ZNF440: variants seen among roughly 807,000 people sequenced by gnomAD.
ZNF440 encodes the protein zinc finger protein 440.
A neutral mutation model predicts 49.7 loss-of-function variants in ZNF440; 47 were observed. The ratio of observed to expected loss-of-function variants is 0.95; its 90% CI spans 0.75 to 1.21. The LOEUF is 1.21. Ranked by LOEUF, ZNF440 falls within the 50% of genes most tolerant of loss-of-function variation. The pLI is 0.00. For synonymous variants in ZNF440, 255 were observed against 237.7 expected (o/e 1.07, Z -0.67); for missense variants, 703 against 715.0 (o/e 0.98, Z 0.19).
intron 1 of ZNF440, 93 bp downstream of exon 1, chr19:11,814,543 A>C: frequency 2.3e-6 from 3 of 1,308,420 alleles, no homozygotes; most frequent in South Asian, 4.0e-5. Context: ...CCACGCGGCG[A>C]CTCCGGGGTC....
In ZNF440 at chr19:11,832,038, G is replaced by A. The variant is rs759567712; in HGVS notation, c.862G>A (p.Glu288Lys). 2 of 1,614,000 alleles carry A rather than the reference G, an allele frequency of 1.2e-6. No homozygotes were observed. The highest frequency in any genetic ancestry group is 1.7e-6 in the Non-Finnish European group (2 of 1,180,024). Residue 288 changes from glutamate (E) to lysine (K), a missense_variant, in exon 4 of 4, where the codon GAA becomes AAA. By Grantham distance (56) the Glu-to-Lys change is moderately conservative. Coordinates refer to ENST00000304060, the MANE Select transcript of ZNF440 (RefSeq NM_152357.3). The stretch of plus-strand genomic sequence containing the variant: ...GGGAGAAAAGGCTTATCAATGTAAG[G>A]AATGTGGAAAAGCATTCACGTGTCC... ...HMGEKAYQCK[E>K]CGKAFTCPRY...
intron 1 of ZNF440, among the ~76,000 whole-genome samples, chr19:11,818,538 C>T (rs1287461918): frequency 6.6e-6 from 1 of 150,584 alleles, no homozygotes; most frequent in Non-Finnish European, 1.5e-5. Flanking sequence ...GTATGAGGTA[C>T]AACAATTTAA....
In ZNF440 at chr19:11,830,086, G is replaced by A. The variant is rs150427033; in HGVS notation, c.4-197G>A. 3.4e-4 allele frequency: 387 copies of A among 1,129,756 alleles called. 2 individuals carry two copies. In the African/African-American group the frequency reaches 5.5e-3, roughly 16 times the overall value. The allele number at this position is 1,129,756 out of a possible 1,614,324, so 70.0% of individuals were successfully genotyped here. Reference sequence around the variant, plus strand: ...GATCATGCCATTGCACTGCAGCCTGGGCAACAAGAGTGAAAAAAAAAACAA... The same window carrying A: ...GATCATGCCATTGCACTGCAGCCTGAGCAACAAGAGTGAAAAAAAAAACAA... On this transcript the variant is annotated intron_variant, in intron 1 of 3. Coordinates refer to ENST00000304060, the MANE Select transcript of ZNF440 (RefSeq NM_152357.3).
rs2145136062 is a variant in ZNF440, at chr19:11,833,801, G to A, written c.*837G>A. ...CCTCGCACCTTCAAATGCATGGAAG[G>A]ACTCACACTGGAGAAAAACCCTATG... On this transcript the variant is annotated 3_prime_UTR_variant, in exon 4 of 4. Transcript: ENST00000304060. 3 of 812,112 alleles carry A rather than the reference G, an allele frequency of 3.7e-6. No homozygotes were observed. The highest frequency in any genetic ancestry group is 5.4e-6 in the Non-Finnish European group (3 of 551,964). 50.3% of individuals were successfully genotyped at this position (812,112 alleles called of 1,614,324 possible). A position where few individuals can be genotyped will look rare whatever the true frequency, so the allele number is the denominator to read the frequency against.
Position 11,830,333 on chromosome 19 carries a change from G to C in ZNF440, c.54G>C (p.Trp18Cys), listed in dbSNP as rs1386294515. Residue 18 changes from tryptophan (W) to cysteine (C), a missense_variant, in exon 2 of 4, where the codon TGG becomes TGC. By Grantham distance (215) the Trp-to-Cys change is radical. Coordinates refer to ENST00000304060, the MANE Select transcript of ZNF440 (RefSeq NM_152357.3). ...CTGTGAACTTCACCCAGGAGGAGTG[G>C]GCTTTGCTGGATATTTCCCAGAGGA... The part of the protein sequence containing the change: ...DVAVNFTQEE[W>C]ALLDISQRKL... 8 of 1,614,152 alleles carry C rather than the reference G, an allele frequency of 5.0e-6. No individual in the cohort carries two copies. Among genetic ancestry groups the C allele is most frequent in the African/African-American group, 1.3e-5 (1 of 75,016 alleles).
intron 1 of ZNF440, among the ~76,000 whole-genome samples, chr19:11,824,182 CAAAAAAA>C (rs200865473): frequency 0.013 from 783 of 60,044 alleles, 5 homozygotes; most frequent in Non-Finnish European, 0.021. Context: ...TACCCTGTTT[CAAAAAAA>C]AAAAAAAAAA....
At chr19:11,828,263 G>A (rs571646706) in intron 1 of ZNF440, among the ~76,000 whole-genome samples, 5 of 150,642 alleles carry the variant, frequency 3.3e-5, no homozygotes, top group African/African-American at 7.3e-5. Flanking sequence ...GCGCAATCTC[G>A]GCTCACTGCA....
chr19:11,831,785 G>A lies in ZNF440; in HGVS notation c.609G>A (p.Lys203=), dbSNP rs780170956. 5.6e-6 allele frequency: 9 copies of A among 1,609,182 alleles called. No individual in the cohort carries two copies. The highest frequency in any genetic ancestry group is 2.2e-5 in the East Asian group (1 of 44,750). ...GTGGGGATGGACCTTATAAATGTAA[G>A]TTTTGTGGGAAAGCATTCCATTGTC... ...MHSGDGPYKC[K]FCGKAFHCLR... The change falls in exon 4 of 4, where the codon AAG becomes AAA. Residue 203 remains lysine, a synonymous_variant. Coordinates refer to ENST00000304060, the MANE Select transcript of ZNF440 (RefSeq NM_152357.3).
At chr19:11,826,225 A>G (rs1235376348) in intron 1 of ZNF440, among the ~76,000 whole-genome samples, 1 of 152,152 alleles carries the variant, frequency 6.6e-6, no homozygotes, top group Admixed American at 6.6e-5. Context: ...GTCACGCCTC[A>G]TCCCTGAGTT....
In ZNF440 at chr19:11,831,402, G is replaced by T. The variant is rs1975935265; in HGVS notation, c.226G>T (p.Asp76Tyr). 6.2e-7 allele frequency: 1 copy of T among 1,610,530 alleles called. No individual in the cohort carries two copies. The highest frequency in any genetic ancestry group is 1.3e-5 in the African/African-American group (1 of 74,568). ...LIEEKVNEIKDDSHCGETFTP... is the reference protein window; with the variant it reads ...LIEEKVNEIKYDSHCGETFTP... ...AGAAGAAAAAGTCAATGAAATTAAA[G>T]ATGACAGTCATTGTGGAGAAACTTT... Residue 76 changes from aspartate to tyrosine, a missense_variant, in exon 4 of 4, where the codon GAT becomes TAT. Coordinates refer to ENST00000304060, the MANE Select transcript of ZNF440 (RefSeq NM_152357.3).
intron 1 of ZNF440, among the ~76,000 whole-genome samples, chr19:11,822,025 G>A (rs1975806082): frequency 6.6e-6 from 1 of 152,212 alleles, no homozygotes; most frequent in Non-Finnish European, 1.5e-5. Flanking sequence ...AGCGTTTCTT[G>A]GGGTCTAGGG....
At chr19:11,829,419 G>A (rs416491) in intron 1 of ZNF440, among the ~76,000 whole-genome samples, 56,980 of 150,534 alleles carry the variant, frequency 0.38, 11,159 homozygotes, top group African/African-American at 0.46. Flanking sequence ...CTACCTACAT[G>A]CTTCCTCTGA....
chr19:11,831,257 G>A, intron 3 of ZNF440, 111 bp from the exon 4 acceptor site: 3 of 1,396,682 alleles, frequency 2.1e-6, no homozygotes, highest in Non-Finnish European at 2.9e-6. Context: ...AGACAGGGCA[G>A]AAAGCCTACA....
rs573124960 is a variant in ZNF440, at chr19:11,819,174, T to A, written c.3+4724T>A. On this transcript the variant is annotated intron_variant, in intron 1 of 3. Coordinates refer to ENST00000304060, the MANE Select transcript of ZNF440 (RefSeq NM_152357.3). ...AATTATGAAAAATCATATTAAATTT[T>A]AAAAAAATAGTGATGAGGGAAAGGG... is the stretch of plus-strand genomic sequence containing the variant. Among the ~76,000 whole-genome samples, 29 of 152,096 alleles carry A rather than the reference T, an allele frequency of 1.9e-4. No individual in the cohort carries two copies. The South Asian group carries it at 2.5e-3, about 13-fold the overall frequency.
chr19:11,833,093 G>C lies in ZNF440; in HGVS notation c.*129G>C. 6.7e-7 allele frequency: 1 copy of C among 1,492,816 alleles called. No homozygotes were observed. Among genetic ancestry groups the C allele is most frequent in the Non-Finnish European group, 9.3e-7 (1 of 1,080,266 alleles). The allele number at this position is 1,492,816 out of a possible 1,614,324, so 92.5% of individuals were successfully genotyped here. A position where few individuals can be genotyped will look rare whatever the true frequency, so the allele number is the denominator to read the frequency against. On this transcript the variant is annotated 3_prime_UTR_variant, in exon 4 of 4. Transcript: ENST00000304060. ...CTATGAGTGTAAGCAATGTGGGAAA[G>C]CCTTTGTTTCCTTCACTTCCTTTCG...
At position 11,814,443 on chromosome 19, in the gene ZNF440, G is replaced by A; in HGVS notation, c.-5G>A. On this transcript the variant is annotated 5_prime_UTR_variant, in exon 1 of 4. Coordinates refer to ENST00000304060, the MANE Select transcript of ZNF440 (RefSeq NM_152357.3). ...AGGACGCCGGAACACCCTGGAAGCC[G>A]AGAAATGGTGTGTGTGAGGGGGCTG... 1 of 1,554,406 alleles carries A rather than the reference G, an allele frequency of 6.4e-7. No homozygotes were observed. Among genetic ancestry groups the A allele is most frequent in the East Asian group, 2.6e-5 (1 of 38,796 alleles).
intron 1 of ZNF440, among the ~76,000 whole-genome samples, chr19:11,822,945 A>G (rs1975817422): frequency 6.6e-6 from 1 of 151,318 alleles, no homozygotes. Flanking sequence ...TTAGTATAGC[A>G]TTCAAAGCTG....
chr19:11,822,304 A>G (rs1315639902), intron 1 of ZNF440, among the ~76,000 whole-genome samples: 2 of 152,234 alleles, frequency 1.3e-5, no homozygotes, highest in South Asian at 2.1e-4. Flanking sequence ...TTGAGTTTGA[A>G]TAAAGTTTTC....
chr19:11,820,712 A>G lies in ZNF440; in HGVS notation c.3+6262A>G, dbSNP rs571587600. On this transcript the variant is annotated intron_variant, in intron 1 of 3. Transcript: ENST00000304060. ...TGGTATGCTCTTCATCTACATAACC[A>G]ATACTTGGGGTGCTCAGCTTCTCTC... 2.6e-5 allele frequency among the ~76,000 whole-genome samples: 4 copies of G among 152,238 alleles called. No individual in the cohort carries two copies. In the East Asian group the frequency reaches 7.7e-4, roughly 29 times the overall value.
Sources: gnomAD v4.1 joint callset for allele counts (sites outside exome capture counted in the v4.1 genomes callset) on GRCh38, gnomAD v4.1.1 for gene constraint, MANE v1.5 for transcripts, NCBI Gene and HGNC (gene_info 2026-07-23, HGNC 2026-07-21) for gene names.